KAZN: variants seen among roughly 807,000 people sequenced by gnomAD.
KAZN encodes kazrin, periplakin interacting protein.
KAZN carries 40 observed loss-of-function variants against 87.4 expected under a neutral mutation model. The observed-to-expected ratio is 0.46, with a 90% CI of 0.36 to 0.60. The LOEUF (loss-of-function observed/expected upper bound fraction) is 0.60. Ranked by LOEUF, KAZN falls within the 20% of genes least tolerant of loss-of-function variation. KAZN has a pLI of 0.00. For missense variants in KAZN, 898 were observed against 1,073.9 expected (o/e 0.84, Z 2.29); for synonymous variants, 466 against 458.3 (o/e 1.02, Z -0.22).
At chr1:14,693,297 T>C (rs903343859) in intron 1 of KAZN, among the ~76,000 whole-genome samples, 6 of 152,172 alleles carry the variant, frequency 3.9e-5, no homozygotes, top group African/African-American at 1.4e-4. Context: ...GGCAACAGGA[T>C]GCTAAGGGAG....
intron 2 of KAZN, among the ~76,000 whole-genome samples, chr1:14,484,166 C>T (rs1669228642): frequency 6.6e-6 from 1 of 152,146 alleles, no homozygotes; most frequent in South Asian, 2.1e-4. Flanking sequence ...ATTACTCTAG[C>T]TTTGTAGTAT....
chr1:14,882,593 G>A (rs1222244109), intron 1 of KAZN, among the ~76,000 whole-genome samples: 1 of 152,196 alleles, frequency 6.6e-6, no homozygotes, highest in Admixed American at 6.5e-5. Context: ...AGATGCTGGA[G>A]TGAAAGAATC....
chr1:14,955,625 TACTC>T (rs140473738), intron 1 of KAZN, among the ~76,000 whole-genome samples: 10,545 of 152,238 alleles, frequency 0.069, 1,231 homozygotes, highest in African/African-American at 0.24. Flanking sequence ...CCCATCAACT[TACTC>T]ACAGCCTGAC....
intron 2 of KAZN, among the ~76,000 whole-genome samples, chr1:14,313,707 A>G (rs771841976): frequency 1.3e-5 from 2 of 152,258 alleles, no homozygotes; most frequent in South Asian, 4.1e-4. Context: ...TATCATCTAG[A>G]TCATCATCAC....
chr1:14,536,234 A>C (rs567677728), intron 2 of KAZN, among the ~76,000 whole-genome samples: 1 of 152,316 alleles, frequency 6.6e-6, no homozygotes, highest in Admixed American at 6.5e-5. Flanking sequence ...GATTTGAGGT[A>C]ATCCATACCA....
At chr1:14,107,747 G>A (rs1469927375) in intron 1 of KAZN, among the ~76,000 whole-genome samples, 1 of 152,176 alleles carries the variant, frequency 6.6e-6, no homozygotes, top group East Asian at 1.9e-4. Context: ...ATAAACTCAT[G>A]AGCTTTGTAT....
intron 1 of KAZN, among the ~76,000 whole-genome samples, chr1:14,089,039 G>T (rs1643914753): frequency 6.7e-6 from 1 of 148,762 alleles, no homozygotes; most frequent in Admixed American, 6.7e-5. Flanking sequence ...GGCAATTTTA[G>T]GTCTACAGCA....
intron 2 of KAZN, among the ~76,000 whole-genome samples, chr1:14,520,119 G>A (rs1671509779): frequency 6.6e-6 from 1 of 152,186 alleles, no homozygotes. Context: ...GAGATCTTCA[G>A]GAAATGAGGC....
chr1:14,412,149 A>G (rs753909585), intron 2 of KAZN, among the ~76,000 whole-genome samples: 8 of 152,264 alleles, frequency 5.3e-5, no homozygotes, highest in African/African-American at 1.2e-4. Context: ...CGTGACAAAC[A>G]GCAAGTGCAA....
chr1:14,202,095 T>C (rs1192752522), intron 2 of KAZN, among the ~76,000 whole-genome samples: 1 of 152,218 alleles, frequency 6.6e-6, no homozygotes, highest in African/African-American at 2.4e-5. Context: ...ATCAACATCA[T>C]TCCCATGTTT....
At chr1:14,591,636 G>C (rs1676208355) in intron 2 of KAZN, among the ~76,000 whole-genome samples, 1 of 152,186 alleles carries the variant, frequency 6.6e-6, no homozygotes, top group Non-Finnish European at 1.5e-5. Flanking sequence ...TGAAAAATCT[G>C]CAGAAGGAAC....
intron 2 of KAZN, among the ~76,000 whole-genome samples, chr1:14,476,502 C>G (rs1314657989): frequency 6.6e-6 from 1 of 152,156 alleles, no homozygotes; most frequent in Non-Finnish European, 1.5e-5. Context: ...GGATTTCTAT[C>G]AGAAGACAGA....
At chr1:14,413,888 C>T (rs1401644834) in intron 2 of KAZN, among the ~76,000 whole-genome samples, 1 of 152,122 alleles carries the variant, frequency 6.6e-6, no homozygotes, top group Non-Finnish European at 1.5e-5. Flanking sequence ...AAAGGGTATA[C>T]ATTGAAAGGT....
intron 2 of KAZN, among the ~76,000 whole-genome samples, chr1:14,361,012 G>A (rs1019836797): frequency 1.3e-5 from 2 of 152,232 alleles, no homozygotes; most frequent in Non-Finnish European, 2.9e-5. Flanking sequence ...AGGCAGGAAT[G>A]TTTAAGTCTG....
intron 1 of KAZN, among the ~76,000 whole-genome samples, chr1:14,649,990 T>C (rs1638247988): frequency 6.6e-6 from 1 of 151,118 alleles, no homozygotes; most frequent in Non-Finnish European, 1.5e-5. Context: ...TTCTTAACTG[T>C]CCTGTGACAG....
intron 1 of KAZN, among the ~76,000 whole-genome samples, chr1:14,157,425 A>G (rs186376037): frequency 9.0e-4 from 137 of 152,294 alleles, no homozygotes; most frequent in African/African-American, 2.9e-3. Flanking sequence ...GTGTTTATGA[A>G]ATCCCCCAGC....
intron 1 of KAZN, among the ~76,000 whole-genome samples, chr1:14,857,676 T>G (rs1040638211): frequency 6.6e-6 from 1 of 152,120 alleles, no homozygotes; most frequent in Admixed American, 6.5e-5. Flanking sequence ...CAATGAAATG[T>G]TTTGTCGCTT....
chr1:15,011,882 G>T (rs1032213227), intron 2 of KAZN, among the ~76,000 whole-genome samples: 12 of 152,130 alleles, frequency 7.9e-5, no homozygotes, highest in South Asian at 6.2e-4. Context: ...GGGAAGGCGG[G>T]TGGTGGACGC....
chr1:14,466,974 A>G (rs1249241323), intron 2 of KAZN, among the ~76,000 whole-genome samples: 2 of 152,250 alleles, frequency 1.3e-5, no homozygotes, highest in African/African-American at 4.8e-5. Flanking sequence ...GTCTCAAAAA[A>G]AAATTAATTA....
Sources: gnomAD v4.1 joint callset for allele counts (sites outside exome capture counted in the v4.1 genomes callset) on GRCh38, gnomAD v4.1.1 for gene constraint, MANE v1.5 for transcripts, NCBI Gene and HGNC (gene_info 2026-07-23, HGNC 2026-07-21) for gene names.